Variants in TRPC3 observed in about 807,000 individuals in gnomAD.
TRPC3 encodes the protein transient receptor potential cation channel subfamily C member 3.
In TRPC3, 54 loss-of-function variants were observed where a neutral mutation model predicts 90.9. The ratio of observed to expected loss-of-function variants is 0.59; its 90% CI spans 0.48 to 0.75. TRPC3 has a LOEUF of 0.75. Ranked by LOEUF, TRPC3 falls within the 30% of genes least tolerant of loss-of-function variation. The probability of loss-of-function intolerance (pLI) is 0.00; values close to 1 mark genes in which losing one functional copy is unlikely to be tolerated. For synonymous variants in TRPC3, 424 were observed against 450.9 expected, an observed-to-expected ratio of 0.94 and a Z score of 0.75; for missense variants, 918 against 1,194.5, an observed-to-expected ratio of 0.77 and a Z score of 3.41.
chr4:121,894,919 A>G lies in TRPC3; in HGVS notation c.2547+4693T>C, dbSNP rs546309815. 1.3e-3 allele frequency among the ~76,000 whole-genome samples: 201 copies of G among 152,286 alleles called. 7 individuals carry two copies. The South Asian group carries it at 0.039, about 30-fold the overall frequency. On this transcript the variant is annotated intron_variant, in intron 10 of 11. Coordinates refer to ENST00000379645, the MANE Select transcript of TRPC3 (RefSeq NM_001130698.2). The stretch of plus-strand genomic sequence containing the variant: ...TATGATTGACCATATGTTAGGACAT[A>G]AAACAAGTCTCAGGAACTTAATAAA...
In TRPC3 at chr4:121,914,904, A is replaced by AGGT; in HGVS notation, c.1216_1217insACC (p.Ile406delinsAsnLeu). On this transcript the variant is annotated protein_altering_variant, in exon 4 of 12. Coordinates refer to ENST00000379645, the MANE Select transcript of TRPC3 (RefSeq NM_001130698.2). ...TAGGCCTGAGAGGTTCTCATACCAGATCGTCAAGAGCTGCTGCTGGCAGTT... is the reference window on the plus strand; with the variant it reads ...TAGGCCTGAGAGGTTCTCATACCAGAGGTTCGTCAAGAGCTGCTGCTGGCAGTT... 1 of 1,611,772 alleles carries AGGT rather than the reference A, an allele frequency of 6.2e-7. No individual in the cohort carries two copies. The highest frequency in any genetic ancestry group is 8.5e-7 in the Non-Finnish European group (1 of 1,178,188).
At chr4:121,933,492 T>A (rs1730027381) in intron 1 of TRPC3, 1 of 153,720 alleles carries the variant, frequency 6.5e-6, no homozygotes, top group African/African-American at 2.4e-5. Context: ...TCCTGCCAAG[T>A]CATTGCATCC....
At chr4:121,930,433 C>T (rs1168027115) in intron 2 of TRPC3, among the ~76,000 whole-genome samples, 1 of 152,026 alleles carries the variant, frequency 6.6e-6, no homozygotes, top group African/African-American at 2.4e-5. Context: ...TCAGAGGTGA[C>T]CCTTTAAGTC....
At chr4:121,915,008 G>T in intron 3 of TRPC3, 64 bp from the exon 4 acceptor site, 1 of 1,402,728 alleles carries the variant, frequency 7.1e-7, no homozygotes, top group Non-Finnish European at 9.7e-7. Context: ...ATTGTCAATA[G>T]CTCAACTATT....
chr4:121,905,796 T>C lies in TRPC3; in HGVS notation c.2058-1279A>G, dbSNP rs957880355. Among the ~76,000 whole-genome samples, 3 of 152,126 alleles carry C rather than the reference T, an allele frequency of 2.0e-5. No individual in the cohort carries two copies. In the South Asian group the frequency reaches 6.2e-4, roughly 31 times the overall value. On this transcript the variant is annotated intron_variant, in intron 7 of 11. Transcript: ENST00000379645. ...ACCTATTATGTTCCAGAAATTTTGC[T>C]ACACCCTGAGGATGGAGGGTTGAAT... is the stretch of plus-strand genomic sequence containing the variant.
chr4:121,942,117 C>T (rs563682257), intron 1 of TRPC3, among the ~76,000 whole-genome samples: 1 of 152,218 alleles, frequency 6.6e-6, no homozygotes, highest in Non-Finnish European at 1.5e-5. Context: ...CTCATCATTC[C>T]CACCGCCGCC....
At chr4:121,934,272 C>T (rs534344325) in intron 1 of TRPC3, among the ~76,000 whole-genome samples, 21 of 152,222 alleles carry the variant, frequency 1.4e-4, no homozygotes, top group African/African-American at 3.6e-4. Context: ...AAAGCTTTTT[C>T]GGAAATTCAG....
chr4:121,929,833 G>C (rs1231233695), intron 2 of TRPC3, among the ~76,000 whole-genome samples: 1 of 150,826 alleles, frequency 6.6e-6, no homozygotes, highest in Non-Finnish European at 1.5e-5. Flanking sequence ...TGTCTTAAAA[G>C]GAAAAAAAAT....
intron 3 of TRPC3, among the ~76,000 whole-genome samples, chr4:121,922,856 G>C (rs1033766620): frequency 2.6e-5 from 4 of 152,258 alleles, no homozygotes; most frequent in East Asian, 1.9e-4. Context: ...CTCTGAGAGG[G>C]CAATCTAGCC....
At chr4:121,923,812 C>T (rs1017217017) in intron 3 of TRPC3, among the ~76,000 whole-genome samples, 5 of 152,182 alleles carry the variant, frequency 3.3e-5, no homozygotes, top group African/African-American at 4.8e-5. Flanking sequence ...GCAGAAAAGA[C>T]AGAACACTTG....
At chr4:121,923,564 ATACT>A (rs1289906804) in intron 3 of TRPC3, among the ~76,000 whole-genome samples, 1 of 152,230 alleles carries the variant, frequency 6.6e-6, no homozygotes, top group African/African-American at 2.4e-5. Context: ...TTATTGAGAA[ATACT>A]TATTGAGAAA....
chr4:121,911,174 C>T (rs965756988), intron 5 of TRPC3, among the ~76,000 whole-genome samples: 1 of 152,130 alleles, frequency 6.6e-6, no homozygotes, highest in African/African-American at 2.4e-5. Context: ...GGAGGAAGAA[C>T]TAACCTACTA....
intron 2 of TRPC3, among the ~76,000 whole-genome samples, chr4:121,926,802 G>T (rs538896918): frequency 6.6e-6 from 1 of 152,252 alleles, no homozygotes; most frequent in East Asian, 1.9e-4. Context: ...TGGAGACATT[G>T]CTTCTCAAAG....
Position 121,925,065 on chromosome 4 carries a change from C to T in TRPC3, c.1129G>A (p.Ala377Thr). ...AEPLEVHRHK[A>T]SLSRVKLAIK... is the part of the protein sequence containing the mutation. ...GCAAGTTTGACACGACTTAATGAAG[C>T]TTTGTGCCTGTGTACCTCCAGAGGC... The change falls in exon 3 of 12, where the codon GCT becomes ACT. Residue 377 changes from alanine (A) to threonine (T), a missense_variant. This residue lies in a region of TRPC3 where 609 missense variants were observed against 725.9 expected (regional missense o/e 0.84). Coordinates refer to ENST00000379645, the MANE Select transcript of TRPC3 (RefSeq NM_001130698.2). 6.2e-7 allele frequency: 1 copy of T among 1,613,864 alleles called. No homozygotes were observed. The highest frequency in any genetic ancestry group is 2.2e-5 in the East Asian group (1 of 44,844).
At position 121,907,285 on chromosome 4, in the gene TRPC3, A is replaced by G. The variant is rs201266386; in HGVS notation, c.2057+18T>C. 1.3e-5 allele frequency: 20 copies of G among 1,592,336 alleles called. No homozygotes were observed. The highest frequency in any genetic ancestry group is 1.6e-5 in the Non-Finnish European group (19 of 1,171,594). ...AATTTCTCTTTATCATACCTGTATAATAAGATATTTTACTTACGTGGTAAA... is the reference window on the plus strand; with the variant it reads ...AATTTCTCTTTATCATACCTGTATAGTAAGATATTTTACTTACGTGGTAAA... On this transcript the variant is annotated intron_variant, in intron 7 of 11. Coordinates refer to ENST00000379645, the MANE Select transcript of TRPC3 (RefSeq NM_001130698.2).
At chr4:121,881,601 C>G (rs943695873) in intron 11 of TRPC3, among the ~76,000 whole-genome samples, 7 of 152,154 alleles carry the variant, frequency 4.6e-5, no homozygotes, top group African/African-American at 1.7e-4. Flanking sequence ...TTGTATTAAT[C>G]AAGTAATGGC....
chr4:121,905,011 CT>C (rs1728831749), intron 7 of TRPC3, among the ~76,000 whole-genome samples: 2 of 152,046 alleles, frequency 1.3e-5, no homozygotes, highest in Middle Eastern at 6.8e-3. Flanking sequence ...AGGGGACAGG[CT>C]AAATAATTCT....
intron 1 of TRPC3, among the ~76,000 whole-genome samples, chr4:121,938,499 T>C (rs1158797578): frequency 6.6e-6 from 1 of 152,224 alleles, no homozygotes; most frequent in African/African-American, 2.4e-5. Context: ...GCTGGGTTGT[T>C]GTAACAGCTT....
chr4:121,916,920 G>A (rs535581150), intron 3 of TRPC3, among the ~76,000 whole-genome samples: 28 of 152,032 alleles, frequency 1.8e-4, no homozygotes, highest in African/African-American at 3.6e-4. Context: ...TCTCCATGGC[G>A]GTCAGGCTGG....
Sources: allele counts gnomAD v4.1 joint callset (sites outside exome capture counted in the v4.1 genomes callset), GRCh38; gene constraint gnomAD v4.1.1; regional missense constraint gnomAD v4.1.1; transcripts MANE v1.5; gene names NCBI Gene and HGNC (gene_info 2026-07-23, HGNC 2026-07-21).